The following RBFOX3 variants were observed in gnomAD, a reference collection of about 807,000 sequenced individuals.
The protein encoded by RBFOX3 is RNA binding fox-1 homolog 3, also known as RNA binding protein fox-1 homolog 3.
RBFOX3 carries 17 observed loss-of-function variants against 48.7 expected under a neutral mutation model. That is an observed-to-expected ratio of 0.35 (90% CI 0.24 to 0.52). The LOEUF is 0.52. RBFOX3 is among the 20% of genes least tolerant of loss of function. The pLI is 0.94. For synonymous variants in RBFOX3, 212 were observed against 209.5 expected (o/e 1.01, Z -0.10); for missense variants, 382 against 497.5 (o/e 0.77, Z 2.21).
At position 79,214,907 on chromosome 17, in the gene RBFOX3, C is replaced by A. The variant is rs772894539; in HGVS notation, c.-34+20859G>T. On this transcript the variant is annotated intron_variant, in intron 4 of 14. Transcript: ENST00000693108. This position sits in a 1 kb window ranked among gnomAD's most constrained non-coding sequence, Gnocchi z 4.7. ...CCCTGTTTGTTCTTTATTTCTCTGG[C>A]AATTACCGCTAATTTGGAGACGTTC... 2.0e-5 allele frequency among the ~76,000 whole-genome samples: 3 copies of A among 152,202 alleles called. No homozygotes were observed. The highest frequency in any genetic ancestry group is 4.4e-5 in the Non-Finnish European group (3 of 68,022).
intron 3 of RBFOX3, among the ~76,000 whole-genome samples, chr17:79,283,402 G>A (rs2071079377): frequency 6.6e-6 from 1 of 151,800 alleles, no homozygotes. Context: ...TTGAGTAGCT[G>A]GGACTATAGG....
chr17:79,377,688 G>C (rs2059390036), intron 2 of RBFOX3, among the ~76,000 whole-genome samples: 1 of 152,186 alleles, frequency 6.6e-6, no homozygotes, highest in Non-Finnish European at 1.5e-5. Context: ...ATTGTAATCA[G>C]GGGCTTGGGA....
intron 2 of RBFOX3, among the ~76,000 whole-genome samples, chr17:79,370,535 GCA>G (rs2058381654): frequency 6.8e-6 from 1 of 146,308 alleles, no homozygotes; most frequent in African/African-American, 2.5e-5. Context: ...ACCCTGAAAT[GCA>G]CACATACACT....
chr17:79,230,975 A>C (rs966685806), intron 4 of RBFOX3, among the ~76,000 whole-genome samples: 4 of 152,050 alleles, frequency 2.6e-5, no homozygotes, highest in African/African-American at 9.7e-5. Context: ...ACTAGTTTTC[A>C]AGACACTGGA....
intron 3 of RBFOX3, among the ~76,000 whole-genome samples, chr17:79,274,056 G>T (rs1027684389): frequency 6.6e-6 from 1 of 152,326 alleles, no homozygotes; most frequent in Non-Finnish European, 1.5e-5. Context: ...CTGAGCCAGG[G>T]CAGGGGCGGA....
At chr17:79,380,172 C>A (rs1478878998) in intron 2 of RBFOX3, among the ~76,000 whole-genome samples, 2 of 151,610 alleles carry the variant, frequency 1.3e-5, no homozygotes, top group African/African-American at 4.9e-5. Context: ...CCCCACCTAA[C>A]AAATCTCCAC....
the RBFOX3 span, among the ~76,000 whole-genome samples, chr17:79,618,407 C>T: frequency 1.1e-4 from 17 of 152,196 alleles, no homozygotes; most frequent in Non-Finnish European, 2.1e-4. Context: ...ACCCAGAAAA[C>T]AAATTAAAAA....
chr17:79,350,918 C>A (rs925491368), intron 2 of RBFOX3, among the ~76,000 whole-genome samples: 4 of 152,320 alleles, frequency 2.6e-5, no homozygotes, highest in East Asian at 3.9e-4. Flanking sequence ...CCCTTCCCAC[C>A]TTTTCCCCTC....
chr17:79,092,940 T>C (rs1568108553), intron 14 of RBFOX3, among the ~76,000 whole-genome samples: 2 of 146,090 alleles, frequency 1.4e-5, no homozygotes, highest in Non-Finnish European at 3.0e-5. Flanking sequence ...GCCTGGCCTC[T>C]CACTGTCCTT....
intron 1 of RBFOX3, among the ~76,000 whole-genome samples, chr17:79,540,965 T>C (rs1226744869): frequency 1.3e-5 from 2 of 152,146 alleles, no homozygotes; most frequent in Admixed American, 1.3e-4. Flanking sequence ...TGGGGGGATC[T>C]GCAGGCCCAA....
At chr17:79,428,380 G>A (rs559754515) in intron 2 of RBFOX3, among the ~76,000 whole-genome samples, 6 of 152,312 alleles carry the variant, frequency 3.9e-5, no homozygotes, top group African/African-American at 9.6e-5. Flanking sequence ...GTCTGCCCCC[G>A]CCCAGCCTTC....
At chr17:79,232,960 T>C (rs1212409983) in intron 4 of RBFOX3, among the ~76,000 whole-genome samples, 2 of 152,190 alleles carry the variant, frequency 1.3e-5, no homozygotes, top group African/African-American at 4.8e-5. Flanking sequence ...TTGGCACTTA[T>C]TTAGGGCGTT....
the RBFOX3 span, among the ~76,000 whole-genome samples, chr17:79,664,912 A>T: frequency 6.6e-6 from 1 of 152,232 alleles, no homozygotes; most frequent in African/African-American, 2.4e-5. Context: ...CTCAGGGTTC[A>T]TCCACGTTAG....
intron 4 of RBFOX3, among the ~76,000 whole-genome samples, chr17:79,158,871 T>C (rs2046365777): frequency 6.6e-6 from 1 of 152,148 alleles, no homozygotes; most frequent in South Asian, 2.1e-4. Context: ...GGCCCCAGGA[T>C]GGCTGCTGGG....
chr17:79,100,622 C>T (rs553823730), intron 9 of RBFOX3, among the ~76,000 whole-genome samples: 10 of 152,286 alleles, frequency 6.6e-5, no homozygotes, highest in African/African-American at 2.2e-4. Flanking sequence ...GGGGTGACAC[C>T]GTCTGAAAGT....
chr17:79,280,847 G>T lies in RBFOX3; in HGVS notation c.-74+26877C>A, dbSNP rs538557016. Among the ~76,000 whole-genome samples the T allele has an allele frequency of 6.8e-5, 10 of 147,394 alleles. 1 individual carries two copies. The highest frequency in any genetic ancestry group is 8.9e-5 in the Non-Finnish European group (6 of 67,048). On this transcript the variant is annotated intron_variant, in intron 3 of 14. Transcript: ENST00000693108. ...CAGGCAGGCTGTCCCATTGTGGGGG[G>T]GGGGAGGGGAGGGTCTCCTGCAGGC... is the stretch of plus-strand genomic sequence containing the variant.
intron 4 of RBFOX3, among the ~76,000 whole-genome samples, chr17:79,189,486 T>C (rs1180071490): frequency 6.6e-6 from 1 of 152,238 alleles, no homozygotes; most frequent in Non-Finnish European, 1.5e-5. Flanking sequence ...GTTAATGTAA[T>C]AGTCATTTGC....
the RBFOX3 span, among the ~76,000 whole-genome samples, chr17:79,630,362 G>A: frequency 6.6e-6 from 1 of 152,202 alleles, no homozygotes; most frequent in African/African-American, 2.4e-5. Context: ...AGGGAGATGG[G>A]TCATTGTTGC....
rs1160224042 is a variant in RBFOX3, at chr17:79,443,530, C to G, written c.-175+38924G>C. On this transcript the variant is annotated intron_variant, in intron 2 of 14. Transcript: ENST00000693108. This position sits in a 1 kb window ranked among gnomAD's most constrained non-coding sequence, Gnocchi z 4.4. The stretch of plus-strand genomic sequence containing the variant: ...CTTGAGTAGCTGGGATTATAGGCAC[C>G]TGACACCACTCCCGGCTAATTTTTG... Among the ~76,000 whole-genome samples, 1 of 152,060 alleles carries G rather than the reference C, an allele frequency of 6.6e-6. No homozygotes were observed. The highest frequency in any genetic ancestry group is 1.5e-5 in the Non-Finnish European group (1 of 68,002).
Sources: allele counts gnomAD v4.1 joint callset (sites outside exome capture counted in the v4.1 genomes callset), GRCh38; gene constraint gnomAD v4.1.1; non-coding constraint Gnocchi (gnomAD v3.1); transcripts MANE v1.5; gene names NCBI Gene and HGNC (gene_info 2026-07-23, HGNC 2026-07-21).